The following AFG2A variants were observed in gnomAD, a reference collection of about 807,000 sequenced individuals.
The protein encoded by AFG2A is ATPase family gene 2 protein homolog A.
At chr4:123,139,091 A>G in the AFG2A span, among the ~76,000 whole-genome samples, 1 of 152,128 alleles carries the variant, frequency 6.6e-6, no homozygotes, top group South Asian at 2.1e-4. Context: ...ATTATATTAT[A>G]GCTTTTCTTG....
the AFG2A span, among the ~76,000 whole-genome samples, chr4:122,931,892 A>G: frequency 6.6e-6 from 1 of 152,320 alleles, no homozygotes; most frequent in South Asian, 2.1e-4. Flanking sequence ...TGGGGTACAC[A>G]TAAGTTTTTG....
the AFG2A span, among the ~76,000 whole-genome samples, chr4:123,218,384 G>C: frequency 6.6e-6 from 1 of 152,114 alleles, no homozygotes; most frequent in Non-Finnish European, 1.5e-5. Context: ...GTTTGGAAAA[G>C]TTATACAGAT....
At chr4:123,038,925 T>C in the AFG2A span, among the ~76,000 whole-genome samples, 25 of 152,126 alleles carry the variant, frequency 1.6e-4, no homozygotes, top group Non-Finnish European at 3.2e-4. Flanking sequence ...TGAGGCTTTA[T>C]ACTATATTTT....
the AFG2A span, among the ~76,000 whole-genome samples, chr4:123,198,879 G>A: frequency 6.6e-6 from 1 of 152,174 alleles, no homozygotes; most frequent in Non-Finnish European, 1.5e-5. Flanking sequence ...GCAAGGTTTA[G>A]AATCTAGATG....
At chr4:123,011,246 C>T in the AFG2A span, among the ~76,000 whole-genome samples, 1 of 152,250 alleles carries the variant, frequency 6.6e-6, no homozygotes, top group African/African-American at 2.4e-5. Context: ...TATCTTCTGT[C>T]TTTGCCTCGC....
chr4:123,128,094 T>C, the AFG2A span, among the ~76,000 whole-genome samples: 2 of 152,214 alleles, frequency 1.3e-5, no homozygotes, highest in African/African-American at 4.8e-5. Context: ...TATAATCTTG[T>C]CTGCTGGTAG....
At chr4:123,133,324 C>G in the AFG2A span, among the ~76,000 whole-genome samples, 2 of 152,246 alleles carry the variant, frequency 1.3e-5, no homozygotes, top group East Asian at 3.9e-4. Context: ...GGAGCTGACA[C>G]CAGTTCTTTA....
the AFG2A span, among the ~76,000 whole-genome samples, chr4:123,212,383 C>T: frequency 3.9e-5 from 6 of 152,030 alleles, no homozygotes; most frequent in East Asian, 7.7e-4. Context: ...TCAGTTGTTC[C>T]GTGATTTTTG....
the AFG2A span, among the ~76,000 whole-genome samples, chr4:123,037,993 A>T: frequency 6.6e-6 from 1 of 152,038 alleles, no homozygotes; most frequent in African/African-American, 2.4e-5. Context: ...CCTCAGTTTT[A>T]GGTGAGTAGG....
chr4:122,945,998 T>A, the AFG2A span, among the ~76,000 whole-genome samples: 1 of 142,472 alleles, frequency 7.0e-6, no homozygotes, highest in Admixed American at 6.7e-5. Flanking sequence ...ATGTCCCAGG[T>A]TGATTCTCAG....
the AFG2A span, among the ~76,000 whole-genome samples, chr4:123,193,050 C>T: frequency 6.6e-6 from 1 of 152,150 alleles, no homozygotes; most frequent in Admixed American, 6.5e-5. Flanking sequence ...TTTAATTCTT[C>T]TGAGAATATT....
chr4:122,936,915 G>A, the AFG2A span, among the ~76,000 whole-genome samples: 20 of 152,322 alleles, frequency 1.3e-4, no homozygotes, highest in South Asian at 6.2e-4. Flanking sequence ...AGGAGGTGGA[G>A]GTTGCAGTCA....
the AFG2A span, among the ~76,000 whole-genome samples, chr4:123,144,765 T>G: frequency 4.6e-5 from 7 of 152,244 alleles, no homozygotes; most frequent in Non-Finnish European, 8.8e-5. Flanking sequence ...TGTAAAATTT[T>G]CAGAGTCATA....
the AFG2A span, chr4:122,928,973 A>G: frequency 4.5e-6 from 7 of 1,549,926 alleles, no homozygotes; most frequent in Non-Finnish European, 6.1e-6. Flanking sequence ...TTAGCATTCT[A>G]CCTTATAAAT....
the AFG2A span, among the ~76,000 whole-genome samples, chr4:123,254,815 T>C: frequency 2.6e-5 from 4 of 152,328 alleles, no homozygotes; most frequent in African/African-American, 9.6e-5. Flanking sequence ...TAAAATAATG[T>C]AGGCATTAGC....
the AFG2A span, among the ~76,000 whole-genome samples, chr4:122,989,792 T>C: frequency 6.6e-6 from 1 of 152,066 alleles, no homozygotes; most frequent in Non-Finnish European, 1.5e-5. Flanking sequence ...CTGCCAGAGG[T>C]TGGGGGTGGG....
the AFG2A span, among the ~76,000 whole-genome samples, chr4:123,149,381 G>T: frequency 1.3e-5 from 2 of 152,154 alleles, no homozygotes; most frequent in African/African-American, 4.8e-5. Flanking sequence ...TGAGGAAAAA[G>T]TTAATGTCTG....
chr4:123,222,318 T>C, the AFG2A span, among the ~76,000 whole-genome samples: 2 of 152,226 alleles, frequency 1.3e-5, no homozygotes, highest in African/African-American at 2.4e-5. Flanking sequence ...TTTAAAACTC[T>C]GGGATAGATG....
At chr4:122,959,893 TG>T in the AFG2A span, among the ~76,000 whole-genome samples, 1 of 152,216 alleles carries the variant, frequency 6.6e-6, no homozygotes, top group Non-Finnish European at 1.5e-5. Flanking sequence ...ATATGAAAAT[TG>T]GAAGCACTAC....
Sources: allele counts gnomAD v4.1 joint callset (sites outside exome capture counted in the v4.1 genomes callset), GRCh38; gene constraint gnomAD v4.1.1; transcripts MANE v1.5; gene names NCBI Gene and HGNC (gene_info 2026-07-23, HGNC 2026-07-21).